The following VWC2L variants were observed in gnomAD, a reference collection of about 807,000 sequenced individuals.
The protein encoded by VWC2L is von Willebrand factor C domain-containing protein 2-like.
VWC2L carries 10 observed loss-of-function variants against 21.6 expected under a neutral mutation model. That is an observed-to-expected ratio of 0.46 (90% CI 0.29 to 0.78). The LOEUF (loss-of-function observed/expected upper bound fraction) is 0.78, where lower values mean the gene tolerates loss of function less well. VWC2L is among the 30% of genes least tolerant of loss of function. The pLI is 0.10. For synonymous variants in VWC2L, 96 were observed against 94.3 expected (o/e 1.02, Z -0.10); for missense variants, 209 against 277.1 (o/e 0.75, Z 1.74).
chr2:214,524,266 T>C (rs1689291829), intron 3 of VWC2L, among the ~76,000 whole-genome samples: 1 of 152,204 alleles, frequency 6.6e-6, no homozygotes, highest in South Asian at 2.1e-4. Context: ...ACCCAAATTA[T>C]TCTTGGTTGT....
chr2:214,561,129 A>G (rs922257126), intron 3 of VWC2L, among the ~76,000 whole-genome samples: 1 of 152,192 alleles, frequency 6.6e-6, no homozygotes, highest in Non-Finnish European at 1.5e-5. Flanking sequence ...ATGTTTGTTA[A>G]AAGACAGATT....
At chr2:214,471,226 T>C (rs1464768530) in intron 3 of VWC2L, among the ~76,000 whole-genome samples, 2 of 152,180 alleles carry the variant, frequency 1.3e-5, no homozygotes, top group Non-Finnish European at 2.9e-5. Context: ...GCCCAACTCA[T>C]GCTTCCTGCT....
At chr2:214,465,354 A>C (rs1487278839) in intron 3 of VWC2L, among the ~76,000 whole-genome samples, 1 of 152,106 alleles carries the variant, frequency 6.6e-6, no homozygotes. Flanking sequence ...CATATGATGG[A>C]TTCTGCCAGG....
chr2:214,453,388 T>A (rs780475872), intron 3 of VWC2L, among the ~76,000 whole-genome samples: 10 of 152,358 alleles, frequency 6.6e-5, no homozygotes, highest in Non-Finnish European at 1.2e-4. Flanking sequence ...TATGCTTATA[T>A]ACAAATGCAA....
At chr2:214,416,123 C>T (rs754207627) in intron 2 of VWC2L, among the ~76,000 whole-genome samples, 10 of 151,916 alleles carry the variant, frequency 6.6e-5, no homozygotes, top group Admixed American at 2.6e-4. Flanking sequence ...GTAGGAACAG[C>T]GTTTCATAAC....
chr2:214,485,980 G>A (rs1225237643), intron 3 of VWC2L, among the ~76,000 whole-genome samples: 1 of 152,022 alleles, frequency 6.6e-6, no homozygotes, highest in Non-Finnish European at 1.5e-5. Context: ...GACCCCTAGT[G>A]GATAAATTTG....
intron 3 of VWC2L, among the ~76,000 whole-genome samples, chr2:214,443,478 T>G (rs1398733495): frequency 6.6e-6 from 1 of 152,152 alleles, no homozygotes; most frequent in Admixed American, 6.6e-5. Flanking sequence ...ATCAAAATAA[T>G]TATGCAACCT....
At chr2:214,418,011 C>CT (rs762125481) in intron 2 of VWC2L, among the ~76,000 whole-genome samples, 2 of 152,060 alleles carry the variant, frequency 1.3e-5, no homozygotes, top group African/African-American at 2.4e-5. Context: ...CTCTTGGTGG[C>CT]TTTTTTTCCC....
intron 3 of VWC2L, among the ~76,000 whole-genome samples, chr2:214,552,820 C>T (rs935158696): frequency 2.6e-5 from 4 of 152,140 alleles, no homozygotes; most frequent in Non-Finnish European, 4.4e-5. Context: ...GAGATCTCAA[C>T]CCTCATATTC....
intron 3 of VWC2L, among the ~76,000 whole-genome samples, chr2:214,529,142 C>T (rs60908320): frequency 3.9e-5 from 6 of 152,286 alleles, no homozygotes; most frequent in African/African-American, 1.4e-4. Flanking sequence ...CCTGATCCAA[C>T]GCTCTTGCCA....
At chr2:214,500,973 G>A (rs1688883089) in intron 3 of VWC2L, among the ~76,000 whole-genome samples, 2 of 150,422 alleles carry the variant, frequency 1.3e-5, no homozygotes, top group Admixed American at 1.3e-4. Flanking sequence ...TACTCTCTAA[G>A]TAAGCCTATA....
In VWC2L at chr2:214,469,522, G is replaced by A. The variant is rs544776017; in HGVS notation, c.520+32764G>A. Reference sequence around the variant, plus strand: ...AAGCAGGAGAATGGCATGAACCTGGGAGGCAGAGCTTGCAGTGAGCAGACA... The same window carrying A: ...AAGCAGGAGAATGGCATGAACCTGGAAGGCAGAGCTTGCAGTGAGCAGACA... On this transcript the variant is annotated intron_variant, in intron 3 of 3. Transcript: ENST00000312504. 3.6e-4 allele frequency among the ~76,000 whole-genome samples: 55 copies of A among 152,226 alleles called. 1 individual carries two copies. The Middle Eastern group carries it at 0.01, about 28-fold the overall frequency.
intron 3 of VWC2L, among the ~76,000 whole-genome samples, chr2:214,520,101 G>A (rs1689211723): frequency 9.0e-6 from 1 of 111,360 alleles, no homozygotes; most frequent in Non-Finnish European, 2.0e-5. Context: ...TTATGTAGAT[G>A]TCTTGTGTTT....
At chr2:214,474,331 C>T (rs955002648) in intron 3 of VWC2L, among the ~76,000 whole-genome samples, 2 of 152,148 alleles carry the variant, frequency 1.3e-5, no homozygotes, top group Non-Finnish European at 2.9e-5. Flanking sequence ...AATCCATTCA[C>T]AGTGTGACCT....
chr2:214,521,178 T>C (rs1231943520), intron 3 of VWC2L, among the ~76,000 whole-genome samples: 1 of 151,544 alleles, frequency 6.6e-6, no homozygotes, highest in Non-Finnish European at 1.5e-5. Context: ...TGAGTGGAGA[T>C]CGCGCCACTG....
At chr2:214,490,140 T>C (rs1574593929) in intron 3 of VWC2L, among the ~76,000 whole-genome samples, 1 of 152,130 alleles carries the variant, frequency 6.6e-6, no homozygotes, top group South Asian at 2.1e-4. Context: ...AATGGATCAG[T>C]TGGATCCCAA....
At chr2:214,505,809 T>TA (rs948857006) in intron 3 of VWC2L, among the ~76,000 whole-genome samples, 1 of 152,106 alleles carries the variant, frequency 6.6e-6, no homozygotes, top group Non-Finnish European at 1.5e-5. Context: ...GATAAAGGTA[T>TA]AAAAAATGTT....
At chr2:214,470,197 C>T (rs1703283208) in intron 3 of VWC2L, among the ~76,000 whole-genome samples, 1 of 149,830 alleles carries the variant, frequency 6.7e-6, no homozygotes, top group South Asian at 2.1e-4. Flanking sequence ...TCTTGGAAAT[C>T]ATTTTTGATA....
intron 3 of VWC2L, among the ~76,000 whole-genome samples, chr2:214,569,853 T>C (rs1485318516): frequency 6.6e-6 from 1 of 152,196 alleles, no homozygotes; most frequent in East Asian, 1.9e-4. Flanking sequence ...AATGCAATCA[T>C]GTGATGTTTA....
Sources: gnomAD v4.1 joint callset for allele counts (sites outside exome capture counted in the v4.1 genomes callset) on GRCh38, gnomAD v4.1.1 for gene constraint, MANE v1.5 for transcripts, NCBI Gene and HGNC (gene_info 2026-07-23, HGNC 2026-07-21) for gene names.